Variants in GRM7 observed in about 807,000 individuals in gnomAD.
GRM7 encodes metabotropic glutamate receptor 7.
GRM7 carries 35 observed loss-of-function variants against 84.5 expected under a neutral mutation model. The observed-to-expected ratio is 0.41, with a 90% confidence interval of 0.32 to 0.55. The LOEUF (loss-of-function observed/expected upper bound fraction) is 0.55. Ranked by LOEUF, GRM7 falls within the 20% of genes least tolerant of loss-of-function variation. The pLI, the probability that GRM7 is intolerant of heterozygous loss-of-function variation, is 0.19. For missense variants in GRM7, 1,003 were observed against 1,194.6 expected (o/e 0.84, Z 2.36); for synonymous variants, 487 against 455.1 (o/e 1.07, Z -0.89).
At chr3:7,025,597 G>A (rs1424028653) in intron 1 of GRM7, among the ~76,000 whole-genome samples, 8 of 152,134 alleles carry the variant, frequency 5.3e-5, no homozygotes, top group Non-Finnish European at 7.3e-5. Context: ...GCCTGCAGAC[G>A]TGCAGGTTTT....
chr3:7,334,024 G>C (rs1441754797), intron 4 of GRM7, among the ~76,000 whole-genome samples: 1 of 152,024 alleles, frequency 6.6e-6, no homozygotes, highest in East Asian at 1.9e-4. Context: ...TGCAAGTTTG[G>C]AAAATGTATT....
At chr3:7,050,863 T>C (rs2124954461) in intron 1 of GRM7, among the ~76,000 whole-genome samples, 1 of 151,992 alleles carries the variant, frequency 6.6e-6, no homozygotes, top group African/African-American at 2.4e-5. Context: ...CAGTGTTTGA[T>C]TCAAAACCAA....
At chr3:7,020,355 A>T (rs755194212) in intron 1 of GRM7, among the ~76,000 whole-genome samples, 1 of 152,164 alleles carries the variant, frequency 6.6e-6, no homozygotes, top group Non-Finnish European at 1.5e-5. Context: ...GTTAGGGGAG[A>T]GAGAGGGATG....
intron 2 of GRM7, among the ~76,000 whole-genome samples, chr3:7,162,632 G>C (rs567449824): frequency 6.7e-6 from 1 of 148,236 alleles, no homozygotes; most frequent in South Asian, 2.2e-4. Context: ...ATAAAGATAA[G>C]AGAAATAGAA....
chr3:7,284,878 C>G (rs1197887874), intron 2 of GRM7, among the ~76,000 whole-genome samples: 3 of 152,004 alleles, frequency 2.0e-5, no homozygotes, highest in Non-Finnish European at 4.4e-5. Context: ...TCTGAGTTCA[C>G]TTCCCTATAA....
intron 1 of GRM7, chr3:6,892,711 A>G (rs1696012113): frequency 6.6e-6 from 1 of 152,114 alleles, no homozygotes; most frequent in Non-Finnish European, 1.5e-5. Context: ...TTACCCAATT[A>G]CAGACACCTG....
chr3:7,716,875 G>A lies in GRM7; in HGVS notation c.2699-23482G>A, dbSNP rs189945065. 8.1e-4 allele frequency among the ~76,000 whole-genome samples: 124 copies of A among 152,266 alleles called. 1 individual carries two copies. The highest frequency in any genetic ancestry group is 2.1e-3 in the South Asian group (10 of 4,822). On this transcript the variant is annotated intron_variant, in intron 9 of 9. Coordinates refer to ENST00000357716, the MANE Select transcript of GRM7 (RefSeq NM_000844.4). ...TATTGAATTTTCTGGTTGACCTGGG[G>A]TTACCTGAATCCTCCCTTTGTTTCA...
At chr3:6,864,852 C>A (rs756021065) in intron 1 of GRM7, among the ~76,000 whole-genome samples, 4 of 152,180 alleles carry the variant, frequency 2.6e-5, no homozygotes, top group Non-Finnish European at 5.9e-5. Context: ...GAAATTTGGA[C>A]CTGGGCAAGA....
At chr3:7,198,721 A>G (rs1282650870) in intron 2 of GRM7, among the ~76,000 whole-genome samples, 3 of 152,122 alleles carry the variant, frequency 2.0e-5, no homozygotes, top group African/African-American at 4.8e-5. Context: ...AAAGTGAAAA[A>G]CCGAATTGTT....
Position 7,590,639 on chromosome 3 carries a change from C to T in GRM7, c.2451+11282C>T, listed in dbSNP as rs78172443. Among the ~76,000 whole-genome samples the T allele has an allele frequency of 6.1e-3, 921 of 152,226 alleles. 1 individual carries two copies. The highest frequency in any genetic ancestry group is 8.3e-3 in the Non-Finnish European group (564 of 68,004). On this transcript the variant is annotated intron_variant, in intron 8 of 9. Transcript: ENST00000357716. Reference sequence around the variant, plus strand: ...CTGGTAGTATTTCTGCTCCTGAAAACCCCAGGGCCATTTCCTTCCCAGGAC... The same window carrying T: ...CTGGTAGTATTTCTGCTCCTGAAAATCCCAGGGCCATTTCCTTCCCAGGAC...
intron 9 of GRM7, among the ~76,000 whole-genome samples, chr3:7,733,136 T>G (rs1202884582): frequency 6.6e-6 from 1 of 152,180 alleles, no homozygotes; most frequent in Non-Finnish European, 1.5e-5. Context: ...GACCTGTATC[T>G]TGTGCCAACC....
chr3:7,157,808 C>T (rs6443093), intron 2 of GRM7, among the ~76,000 whole-genome samples: 37,114 of 151,364 alleles, frequency 0.25, 5,255 homozygotes, highest in African/African-American at 0.4. Flanking sequence ...AATGTAGAAG[C>T]GGCAGAAGAC....
chr3:7,146,407 C>T (rs921752259), intron 1 of GRM7, 45 bp from the exon 2 acceptor site: 3 of 1,369,754 alleles, frequency 2.2e-6, no homozygotes, highest in Non-Finnish European at 3.1e-6. Flanking sequence ...GAGTCTCTTA[C>T]ATCCTGACGG....
At chr3:7,334,188 C>A (rs1325356298) in intron 4 of GRM7, among the ~76,000 whole-genome samples, 1 of 152,050 alleles carries the variant, frequency 6.6e-6, no homozygotes, top group Non-Finnish European at 1.5e-5. Flanking sequence ...TAAAGGAAAG[C>A]ATCTTAAGGA....
intron 8 of GRM7, among the ~76,000 whole-genome samples, chr3:7,678,719 G>T (rs1266917062): frequency 1.3e-5 from 2 of 152,164 alleles, no homozygotes; most frequent in African/African-American, 2.4e-5. Flanking sequence ...TCAAATTAAT[G>T]TTGGCTAGAA....
chr3:7,528,993 T>A (rs916026174), intron 7 of GRM7, among the ~76,000 whole-genome samples: 40 of 152,178 alleles, frequency 2.6e-4, no homozygotes, highest in African/African-American at 9.6e-4. Flanking sequence ...ATTCTGTAAT[T>A]GTTGAGTAGT....
intron 2 of GRM7, among the ~76,000 whole-genome samples, chr3:7,219,176 TCCTA>T (rs1385173893): frequency 1.3e-5 from 2 of 152,208 alleles, no homozygotes; most frequent in East Asian, 1.9e-4. Flanking sequence ...CTGCTAAATT[TCCTA>T]CCTTAGTTAA....
chr3:7,708,384 C>T (rs1448431081), intron 9 of GRM7, among the ~76,000 whole-genome samples: 3 of 151,700 alleles, frequency 2.0e-5, no homozygotes, highest in South Asian at 2.1e-4. Context: ...GTAGACTGGC[C>T]GGTTGCACAG....
intron 5 of GRM7, among the ~76,000 whole-genome samples, chr3:7,427,642 CACTT>C (rs1205374837): frequency 6.6e-6 from 1 of 152,184 alleles, no homozygotes; most frequent in Non-Finnish European, 1.5e-5. Context: ...ATTGGTCACT[CACTT>C]GAGCACTTTG....
Sources: allele counts gnomAD v4.1 joint callset (sites outside exome capture counted in the v4.1 genomes callset), GRCh38; gene constraint gnomAD v4.1.1; transcripts MANE v1.5; gene names NCBI Gene and HGNC (gene_info 2026-07-23, HGNC 2026-07-21).